The following CPNE8 variants were observed in gnomAD, a reference collection of about 807,000 sequenced individuals.
The protein encoded by CPNE8 is copine 8.
A neutral mutation model predicts 81.5 loss-of-function variants in CPNE8; 45 were observed. The ratio of observed to expected loss-of-function variants is 0.55; its 90% CI spans 0.44 to 0.71. The LOEUF is 0.71. CPNE8 is among the 30% of genes least tolerant of loss of function. The probability of loss-of-function intolerance (pLI) is 0.00; values close to 1 mark genes in which losing one functional copy is unlikely to be tolerated. For missense variants in CPNE8, 594 were observed against 672.1 expected, an observed-to-expected ratio of 0.88 and a Z score of 1.28; for synonymous variants, 252 against 226.3, an observed-to-expected ratio of 1.11 and a Z score of -1.02.
At chr12:38,685,388 G>A (rs536606628) in intron 16 of CPNE8, 102 bp downstream of exon 16, 6 of 1,298,776 alleles carry the variant, frequency 4.6e-6, no homozygotes, top group Non-Finnish European at 3.1e-6. Context: ...AGGTAAACTA[G>A]AAGAAAACAA....
At chr12:38,740,826 A>C (rs905789420) in intron 10 of CPNE8, among the ~76,000 whole-genome samples, 11 of 152,174 alleles carry the variant, frequency 7.2e-5, no homozygotes, top group Admixed American at 7.2e-4. Context: ...ATCGATGTTC[A>C]TCAGGGATAT....
chr12:38,876,162 A>G (rs2137112478), intron 1 of CPNE8, among the ~76,000 whole-genome samples: 1 of 152,360 alleles, frequency 6.6e-6, no homozygotes, highest in East Asian at 1.9e-4. Flanking sequence ...ATAAACTACA[A>G]GTTTTAACCA....
chr12:38,654,543 C>T (rs1169719393), intron 19 of CPNE8, among the ~76,000 whole-genome samples: 2 of 144,294 alleles, frequency 1.4e-5, no homozygotes, highest in Admixed American at 7.1e-5. Flanking sequence ...AAATTCAATA[C>T]ACTACAAATA....
intron 1 of CPNE8, among the ~76,000 whole-genome samples, chr12:38,893,165 C>T (rs1944338356): frequency 6.6e-6 from 1 of 152,164 alleles, no homozygotes; most frequent in African/African-American, 2.4e-5. Flanking sequence ...TATGTTAACA[C>T]TGTCAGAGGT....
chr12:38,900,357 A>C (rs1944442919), intron 1 of CPNE8, among the ~76,000 whole-genome samples: 1 of 152,222 alleles, frequency 6.6e-6, no homozygotes, highest in Non-Finnish European at 1.5e-5. Context: ...CCTAGGAATG[A>C]TATTTTAACA....
chr12:38,863,180 G>A (rs949039893), intron 3 of CPNE8, among the ~76,000 whole-genome samples: 21 of 152,136 alleles, frequency 1.4e-4, no homozygotes, highest in African/African-American at 5.1e-4. Flanking sequence ...AGTACACATG[G>A]CATACGTGCG....
chr12:38,803,437 G>T (rs1035678132), intron 6 of CPNE8, among the ~76,000 whole-genome samples: 1 of 150,180 alleles, frequency 6.7e-6, no homozygotes, highest in Non-Finnish European at 1.5e-5. Context: ...TGCAGAAAAA[G>T]CCTTTGACAA....
intron 13 of CPNE8, 120 bp downstream of exon 13, chr12:38,723,652 G>A: frequency 1.4e-6 from 1 of 715,488 alleles, no homozygotes; most frequent in East Asian, 2.6e-5. Flanking sequence ...AAGTCTAATA[G>A]GCTTGCCATC....
At chr12:38,902,425 G>GAA (rs60816387) in intron 1 of CPNE8, among the ~76,000 whole-genome samples, 4,697 of 133,030 alleles carry the variant, frequency 0.035, 694 homozygotes, top group African/African-American at 0.17. Flanking sequence ...GAAAAAGAAA[G>GAA]AAAGAAAGAA....
chr12:38,738,868 C>T (rs1276949408), intron 10 of CPNE8, among the ~76,000 whole-genome samples: 5 of 142,380 alleles, frequency 3.5e-5, no homozygotes, highest in Non-Finnish European at 7.5e-5. Context: ...TACTGGAATG[C>T]AGTGGCATGA....
chr12:38,743,477 CAA>C (rs1041320929), intron 10 of CPNE8, among the ~76,000 whole-genome samples: 3 of 151,814 alleles, frequency 2.0e-5, no homozygotes, highest in Admixed American at 2.0e-4. Context: ...TCTTATGCCA[CAA>C]AAAAAGTATG....
At chr12:38,895,788 A>G (rs2137153253) in intron 1 of CPNE8, among the ~76,000 whole-genome samples, 1 of 152,260 alleles carries the variant, frequency 6.6e-6, no homozygotes. Flanking sequence ...ATTGACAGAA[A>G]AGAGCTCCAC....
intron 13 of CPNE8, among the ~76,000 whole-genome samples, chr12:38,713,064 A>G (rs151298053): frequency 7.6e-4 from 115 of 152,276 alleles, no homozygotes; most frequent in African/African-American, 2.6e-3. Flanking sequence ...TCATATTCCT[A>G]TTTTACAGAA....
chr12:38,761,539 CTA>C (rs1169063296), intron 9 of CPNE8, among the ~76,000 whole-genome samples: 1 of 152,146 alleles, frequency 6.6e-6, no homozygotes, highest in African/African-American at 2.4e-5. Flanking sequence ...GTTAATTAAA[CTA>C]TTTTTCTATC....
At chr12:38,711,555 G>A (rs1311354530) in intron 13 of CPNE8, among the ~76,000 whole-genome samples, 1 of 149,530 alleles carries the variant, frequency 6.7e-6, no homozygotes, top group Non-Finnish European at 1.5e-5. Context: ...TGCAACCTCC[G>A]CCTCCTGGGA....
chr12:38,883,064 A>G (rs1242268059), intron 1 of CPNE8, among the ~76,000 whole-genome samples: 3 of 152,208 alleles, frequency 2.0e-5, no homozygotes, highest in African/African-American at 7.2e-5. Context: ...TTTATTTACT[A>G]AGTGCCAGGC....
intron 16 of CPNE8, 90 bp downstream of exon 16, chr12:38,685,400 T>C (rs558135922): frequency 1.4e-6 from 2 of 1,394,896 alleles, no homozygotes; most frequent in Non-Finnish European, 1.9e-6. Context: ...AGAAAACAAC[T>C]TTCATGTGTG....
chr12:38,906,689 C>T (rs1372665269), upstream of CPNE8: 2 of 800,992 alleles, frequency 2.5e-6, no homozygotes, highest in Non-Finnish European at 3.0e-6. Flanking sequence ...CAAAAGCATC[C>T]GGAGGTAGAC....
At chr12:38,821,063 C>T (rs958852546) in intron 6 of CPNE8, among the ~76,000 whole-genome samples, 1 of 152,164 alleles carries the variant, frequency 6.6e-6, no homozygotes, top group Non-Finnish European at 1.5e-5. Context: ...CCATCCTCTA[C>T]ACAGAAGTCA....
Sources: allele counts gnomAD v4.1 joint callset (sites outside exome capture counted in the v4.1 genomes callset), GRCh38; gene constraint gnomAD v4.1.1; transcripts MANE v1.5; gene names NCBI Gene and HGNC (gene_info 2026-07-23, HGNC 2026-07-21).